The following DCBLD2 variants were observed in gnomAD, a reference collection of about 807,000 sequenced individuals.
DCBLD2 encodes the protein discoidin, CUB and LCCL domain-containing protein 2.
Under a neutral mutation model 86.8 loss-of-function variants are expected in DCBLD2, and 54 were observed. The observed-to-expected ratio is 0.62, with a 90% confidence interval of 0.50 to 0.78. DCBLD2 has a LOEUF of 0.78. Ranked by LOEUF, DCBLD2 falls within the 30% of genes least tolerant of loss-of-function variation. DCBLD2 has a pLI of 0.00. For synonymous variants in DCBLD2, 354 were observed against 341.3 expected, an observed-to-expected ratio of 1.04 and a Z score of -0.41; for missense variants, 908 against 954.2, an observed-to-expected ratio of 0.95 and a Z score of 0.64.
rs370431447 is a variant in DCBLD2, at chr3:98,881,556, G to A, written c.417C>T (p.Val139=). Residue 139 remains valine (V), a synonymous_variant, in exon 2 of 16, where the codon GTC becomes GTT. Transcript: ENST00000326840. ...NYLRIYNGIG[V]SRTEIGKYCG... ...AAGTCCTACCTATTTCAGTTCTGCT[G>A]ACTCCAATTCCATTATAAATTCTCA... 3 of 1,613,530 alleles carry A rather than the reference G, an allele frequency of 1.9e-6. No homozygotes were observed. Among genetic ancestry groups the A allele is most frequent in the Non-Finnish European group, 2.5e-6 (3 of 1,179,840 alleles).
intron 2 of DCBLD2, among the ~76,000 whole-genome samples, chr3:98,879,948 C>T (rs1329700128): frequency 6.6e-6 from 1 of 152,210 alleles, no homozygotes; most frequent in Non-Finnish European, 1.5e-5. Flanking sequence ...AAAGAATGCT[C>T]AGGTGGTACT....
intron 13 of DCBLD2, among the ~76,000 whole-genome samples, chr3:98,803,766 T>C (rs1941774780): frequency 6.6e-6 from 1 of 152,212 alleles, no homozygotes; most frequent in Admixed American, 6.5e-5. Context: ...GGTTGTTGAA[T>C]TTTGTCAAAG....
intron 1 of DCBLD2, among the ~76,000 whole-genome samples, chr3:98,899,187 T>TA (rs200306364): frequency 4.7e-4 from 71 of 150,700 alleles, no homozygotes; most frequent in Admixed American, 1.8e-3. Context: ...AATGTTCTGG[T>TA]AAAAAAAAAT....
At chr3:98,898,950 A>G (rs2107536642) in intron 1 of DCBLD2, among the ~76,000 whole-genome samples, 1 of 152,288 alleles carries the variant, frequency 6.6e-6, no homozygotes, top group African/African-American at 2.4e-5. Context: ...AAATTCCTGC[A>G]TACTATCATT....
At chr3:98,801,288 C>T (rs1485609765) in intron 14 of DCBLD2, 6 of 334,984 alleles carry the variant, frequency 1.8e-5, no homozygotes, top group Admixed American at 4.3e-5. Flanking sequence ...GTTTCTTACT[C>T]AGTGTTCACG....
intron 2 of DCBLD2, among the ~76,000 whole-genome samples, chr3:98,853,290 A>G (rs1173376919): frequency 6.7e-6 from 1 of 149,828 alleles, no homozygotes; most frequent in Non-Finnish European, 1.5e-5. Flanking sequence ...GAAACTTAAC[A>G]TAAATTCTGA....
intron 1 of DCBLD2, among the ~76,000 whole-genome samples, chr3:98,899,413 G>A (rs761175776): frequency 6.6e-6 from 1 of 151,878 alleles, no homozygotes; most frequent in Non-Finnish European, 1.5e-5. Context: ...CACCATGCCC[G>A]GCTAATTTTT....
At chr3:98,809,318 G>A (rs1941893455) in intron 12 of DCBLD2, among the ~76,000 whole-genome samples, 2 of 140,204 alleles carry the variant, frequency 1.4e-5, no homozygotes, top group South Asian at 2.3e-4. Flanking sequence ...ACACTGCAAT[G>A]AGTCTAACCT....
chr3:98,885,748 A>G (rs890778606), intron 1 of DCBLD2, among the ~76,000 whole-genome samples: 10 of 151,876 alleles, frequency 6.6e-5, no homozygotes, highest in African/African-American at 2.4e-4. Context: ...TGATCAACCA[A>G]TTATGTAATA....
Position 98,819,292 on chromosome 3 carries a change from G to T in DCBLD2, c.997C>A (p.Leu333Met). Residue 333 changes from leucine (L) to methionine (M), a missense_variant, in exon 8 of 16, where the codon CTG (leucine) becomes ATG (methionine). By Grantham distance (15) the Leu-to-Met change is conservative. This residue lies in a region of DCBLD2 where 606 missense variants were observed against 678.5 expected (regional missense o/e 0.89). Transcript: ENST00000326840. ...GCCCAAGGCGGTCCAGGTTTTTTCAGCCTGGCTTTTTTGGGTTTCCAACTG... is the reference window on the plus strand; with the variant it reads ...GCCCAAGGCGGTCCAGGTTTTTTCATCCTGGCTTTTTTGGGTTTCCAACTG... ...ENSWKPKKAR[L>M]KKPGPPWAAF... The T allele has an allele frequency of 6.2e-7, 1 of 1,613,648 alleles. No individual in the cohort carries two copies. The highest frequency in any genetic ancestry group is 8.5e-7 in the Non-Finnish European group (1 of 1,179,782).
Position 98,849,603 on chromosome 3 carries a change from G to A in DCBLD2, c.434-5C>T, listed in dbSNP as rs1300691936. The A allele has an allele frequency of 1.2e-6, 2 of 1,603,162 alleles. No homozygotes were observed. Among genetic ancestry groups the A allele is most frequent in the African/African-American group, 2.7e-5 (2 of 74,660 alleles). On this transcript the variant is annotated splice_polypyrimidine_tract_variant and splice_region_variant and intron_variant, in intron 2 of 15. Coordinates refer to ENST00000326840, the MANE Select transcript of DCBLD2 (RefSeq NM_080927.4). ...ACCCCAGACCACAGTATTTGCCTAGGAATGAAAGAAAAGCAGATTATTTGG... is the reference window on the plus strand; with the variant it reads ...ACCCCAGACCACAGTATTTGCCTAGAAATGAAAGAAAAGCAGATTATTTGG...
intron 14 of DCBLD2, 145 bp downstream of exon 14, chr3:98,801,455 G>T: frequency 1.9e-6 from 1 of 518,816 alleles, no homozygotes; most frequent in South Asian, 4.3e-5. Flanking sequence ...GGGTAAAAAT[G>T]GTGAGAACTG....
chr3:98,900,923 A>C, intron 1 of DCBLD2, 199 bp downstream of exon 1: 1 of 950,974 alleles, frequency 1.1e-6, no homozygotes, highest in Middle Eastern at 3.4e-4. Context: ...CTTGCCAAAA[A>C]GTAAAGCCGC....
intron 4 of DCBLD2, among the ~76,000 whole-genome samples, chr3:98,824,396 G>T (rs764962038): frequency 6.6e-6 from 1 of 152,090 alleles, no homozygotes; most frequent in Non-Finnish European, 1.5e-5. Context: ...TGGCGCGAGC[G>T]CAGCTGACCC....
chr3:98,870,793 GAAAGAAAGAAAGA>G (rs1943263811), intron 2 of DCBLD2, among the ~76,000 whole-genome samples: 2 of 150,946 alleles, frequency 1.3e-5, no homozygotes. Context: ...AAGAAAGAAA[GAAAGAAAGAAAGA>G]AAGAAAGGTA....
chr3:98,860,553 C>T (rs1293672247), intron 2 of DCBLD2, among the ~76,000 whole-genome samples: 3 of 152,170 alleles, frequency 2.0e-5, no homozygotes, highest in African/African-American at 7.2e-5. Flanking sequence ...AGCCAGAAGA[C>T]AGTAGGGGCC....
chr3:98,803,993 G>T (rs1210029545), intron 13 of DCBLD2, among the ~76,000 whole-genome samples: 11 of 152,144 alleles, frequency 7.2e-5, no homozygotes, highest in Non-Finnish European at 1.5e-4. Context: ...CAGGGATATT[G>T]GTCTAAAATT....
At chr3:98,830,121 TGA>T in intron 3 of DCBLD2, among the ~76,000 whole-genome samples, 1 of 152,076 alleles carries the variant, frequency 6.6e-6, no homozygotes, top group East Asian at 1.9e-4. Context: ...AGTTCCTTAT[TGA>T]TGTTGGATAT....
At chr3:98,884,225 T>C (rs1031014371) in intron 1 of DCBLD2, among the ~76,000 whole-genome samples, 1 of 152,134 alleles carries the variant, frequency 6.6e-6, no homozygotes, top group African/African-American at 2.4e-5. Context: ...AGCTTAGTTT[T>C]TAATCAACAT....
Sources: gnomAD v4.1 joint callset for allele counts (sites outside exome capture counted in the v4.1 genomes callset) on GRCh38, gnomAD v4.1.1 for gene constraint, gnomAD v4.1.1 regional missense constraint, MANE v1.5 for transcripts, NCBI Gene and HGNC (gene_info 2026-07-23, HGNC 2026-07-21) for gene names.